The following STRIP1 variants were observed in gnomAD, a reference collection of about 807,000 sequenced individuals.
STRIP1 encodes the protein striatin-interacting protein 1.
In STRIP1, 63 loss-of-function variants were observed where a neutral mutation model predicts 106.2. The ratio of observed to expected loss-of-function variants is 0.59; its 90% CI spans 0.48 to 0.73. STRIP1 has a LOEUF of 0.73. Ranked by LOEUF, STRIP1 falls within the 30% of genes least tolerant of loss-of-function variation. The pLI, the probability that STRIP1 is intolerant of heterozygous loss-of-function variation, is 0.00. For synonymous variants in STRIP1, 390 were observed against 413.0 expected, an observed-to-expected ratio of 0.94 and a Z score of 0.67; for missense variants, 857 against 1,074.8, an observed-to-expected ratio of 0.80 and a Z score of 2.83.
At chr1:110,033,866 T>C (rs536579219), upstream of STRIP1, among the ~76,000 whole-genome samples, 3 of 152,378 alleles carry the variant, frequency 2.0e-5, no homozygotes, top group African/African-American at 7.2e-5. Context: ...AGAAACTTCT[T>C]ATCCTTGATG....
chr1:110,044,256 T>C (rs1327825162), intron 10 of STRIP1, among the ~76,000 whole-genome samples: 2 of 152,230 alleles, frequency 1.3e-5, no homozygotes, highest in East Asian at 3.8e-4. Context: ...GTTTGAGATA[T>C]ATGTGGGTAA....
chr1:110,038,340 G>A (rs191719710), intron 2 of STRIP1: 40 of 234,550 alleles, frequency 1.7e-4, no homozygotes, highest in African/African-American at 8.6e-4. Flanking sequence ...ATGCGAGGTC[G>A]GTGTGAGCTG....
In STRIP1 at chr1:110,049,103, T is replaced by C. The variant is rs1181013160; in HGVS notation, c.1662-9T>C. On this transcript the variant is annotated splice_polypyrimidine_tract_variant and intron_variant, in intron 15 of 20. Transcript: ENST00000369795. The stretch of plus-strand genomic sequence containing the variant: ...TGCTGGTGGCTTACCCAGGCAATTA[T>C]GTTTCCAGCACCACAGTGTTGCAGA... 4 of 1,614,052 alleles carry C rather than the reference T, an allele frequency of 2.5e-6. No homozygotes were observed. The highest frequency in any genetic ancestry group is 1.3e-5 in the African/African-American group (1 of 74,928).
intron 12 of STRIP1, 101 bp downstream of exon 12, chr1:110,045,179 A>G (rs2101776857): frequency 9.3e-7 from 1 of 1,078,940 alleles, no homozygotes; most frequent in East Asian, 2.4e-5. Flanking sequence ...TCTGCCTGCA[A>G]GAACCTGGGG....
chr1:110,045,269 G>A (rs1652967593), intron 12 of STRIP1, 191 bp downstream of exon 12: 1 of 579,582 alleles, frequency 1.7e-6, no homozygotes, highest in Admixed American at 3.1e-5. Flanking sequence ...AGTTTTACTT[G>A]TTTTAGCTGA....
chr1:110,034,597 C>T, upstream of STRIP1: 1 of 1,470,438 alleles, frequency 6.8e-7, no homozygotes, highest in Non-Finnish European at 9.0e-7. Flanking sequence ...TGCATCACGG[C>T]GGCTGTGCGC....
chr1:110,038,110 A>ATATG (rs1378840265), intron 2 of STRIP1, 150 bp downstream of exon 2: 40 of 162,926 alleles, frequency 2.5e-4, no homozygotes, highest in African/African-American at 1.1e-4. Context: ...ATATATATAT[A>ATATG]TATGTATAAA....
At chr1:110,041,333 C>T (rs952006611) in intron 6 of STRIP1, 5 of 525,456 alleles carry the variant, frequency 9.5e-6, no homozygotes, top group Non-Finnish European at 1.7e-5. Context: ...TTTGACCCTA[C>T]AGCTCGCTAC....
chr1:110,042,788 G>A (rs968942056), intron 8 of STRIP1: 5 of 279,188 alleles, frequency 1.8e-5, no homozygotes, highest in Non-Finnish European at 3.3e-5. Flanking sequence ...GGAACTTGCA[G>A]GGTTAGGCTC....
Position 110,039,202 on chromosome 1 carries a change from C to A in STRIP1, c.356C>A (p.Thr119Asn), listed in dbSNP as rs1652636907. 1 of 1,614,048 alleles carries A rather than the reference C, an allele frequency of 6.2e-7. No individual in the cohort carries two copies. Among genetic ancestry groups the A allele is most frequent in the Non-Finnish European group, 8.5e-7 (1 of 1,180,030 alleles). The change falls in exon 4 of 21, where the codon ACC becomes AAC. Residue 119 changes from threonine (T) to asparagine (N), a missense_variant. Thr to Asn is a moderately conservative substitution (Grantham distance 65). Coordinates refer to ENST00000369795, the MANE Select transcript of STRIP1 (RefSeq NM_033088.4). ...GACAAGAAGTGGACTGAGCTGGATA[C>A]CAACCAGCACCGGACCCATGCCATG... ...VTDKKWTELD[T>N]NQHRTHAMRL...
Position 110,043,274 on chromosome 1 carries a change from A to C in STRIP1, c.1068+4A>C, listed in dbSNP as rs924603617. ...ACGGGGCCGCCGAGAGCACAAGGTG[A>C]GGACGACAGAGGTCCCTGTGACTCC... On this transcript the variant is annotated splice_donor_region_variant and intron_variant, in intron 9 of 20. Coordinates refer to ENST00000369795, the MANE Select transcript of STRIP1 (RefSeq NM_033088.4). 3 of 1,608,732 alleles carry C rather than the reference A, an allele frequency of 1.9e-6. No individual in the cohort carries two copies. In the Admixed American group the frequency reaches 5.0e-5, roughly 27 times the overall value.
upstream of STRIP1, among the ~76,000 whole-genome samples, chr1:110,033,213 C>T (rs948057580): frequency 9.2e-5 from 14 of 152,082 alleles, no homozygotes; most frequent in Admixed American, 2.0e-4. Flanking sequence ...CCACATTCTC[C>T]GCCTCCACCA....
chr1:110,051,968 A>G, intron 20 of STRIP1, 81 bp downstream of exon 20: 1 of 1,447,640 alleles, frequency 6.9e-7, no homozygotes, highest in East Asian at 2.3e-5. Flanking sequence ...CGTGGTACTC[A>G]GGTACTTCTC....
At chr1:110,034,606 G>A (rs1652339301), upstream of STRIP1, 1 of 1,479,396 alleles carries the variant, frequency 6.8e-7, no homozygotes, top group African/African-American at 1.5e-5. Context: ...GCGGCTGTGC[G>A]CGAGTTAAGC....
At chr1:110,036,988 T>A (rs1227206801) in intron 1 of STRIP1, among the ~76,000 whole-genome samples, 2 of 152,058 alleles carry the variant, frequency 1.3e-5, no homozygotes, top group Non-Finnish European at 2.9e-5. Context: ...CATGTAAAAA[T>A]ATATTTTTAA....
At chr1:110,039,873 C>T (rs1652673489) in intron 5 of STRIP1, 2 of 1,297,490 alleles carry the variant, frequency 1.5e-6, no homozygotes, top group South Asian at 2.5e-5. Context: ...AGGCCAGGCA[C>T]AAGACTGACA....
chr1:110,049,747 C>A (rs933989660), intron 17 of STRIP1, 187 bp downstream of exon 17: 17 of 569,850 alleles, frequency 3.0e-5, no homozygotes, highest in African/African-American at 2.8e-4. Context: ...CTGAGTCTAG[C>A]TAGTCCTGCC....
At chr1:110,035,972 A>G (rs1056003507) in intron 1 of STRIP1, among the ~76,000 whole-genome samples, 1 of 152,238 alleles carries the variant, frequency 6.6e-6, no homozygotes, top group Non-Finnish European at 1.5e-5. Flanking sequence ...GCATGGTGGG[A>G]TGACGGACAT....
rs1171209270 is a variant in STRIP1, at chr1:110,053,922, T to G, written c.*10T>G. 9.3e-6 allele frequency: 15 copies of G among 1,613,670 alleles called. No homozygotes were observed. Among genetic ancestry groups the G allele is most frequent in the Non-Finnish European group, 1.3e-5 (15 of 1,179,882 alleles). On this transcript the variant is annotated 3_prime_UTR_variant, in exon 21 of 21. Transcript: ENST00000369795. ...AGAGCTGCTGCAGTGAGGCTGTTGG[T>G]TAGGGGACTGAAATGGAGAGAAAAG...
Sources: gnomAD v4.1 joint callset for allele counts (sites outside exome capture counted in the v4.1 genomes callset) on GRCh38, gnomAD v4.1.1 for gene constraint, MANE v1.5 for transcripts, NCBI Gene and HGNC (gene_info 2026-07-23, HGNC 2026-07-21) for gene names.